SLC3A2: variants seen among roughly 807,000 people sequenced by gnomAD.
SLC3A2 encodes the protein amino acid transporter heavy chain SLC3A2.
SLC3A2 carries 32 observed loss-of-function variants against 48.5 expected under a neutral mutation model. The observed-to-expected ratio is 0.66, with a 90% confidence interval of 0.50 to 0.89. The LOEUF (loss-of-function observed/expected upper bound fraction) is 0.89, where lower values mean the gene tolerates loss of function less well. Among genes scored for constraint, SLC3A2 ranks in the 40% least tolerant of loss-of-function variants. The pLI, the probability that SLC3A2 is intolerant of heterozygous loss-of-function variation, is 0.00. For synonymous variants in SLC3A2, 277 were observed against 288.8 expected (o/e 0.96, Z 0.41); for missense variants, 587 against 680.7 (o/e 0.86, Z 1.53).
In SLC3A2 at chr11:62,881,578, C is replaced by T. The variant is rs1312025968; in HGVS notation, c.424+131C>T. ...CCCGTACCGACGACTGTTCCCCCTT[C>T]CCCCACCCCCTCCCCGGCACATTGT... On this transcript the variant is annotated intron_variant, in intron 1 of 8. Transcript: ENST00000338663. This position sits in a 1 kb window ranked among gnomAD's most constrained non-coding sequence, Gnocchi z 4.0. 471 of 1,217,084 alleles carry T rather than the reference C, an allele frequency of 3.9e-4. No homozygotes were observed. The highest frequency in any genetic ancestry group is 4.9e-4 in the Non-Finnish European group (439 of 901,688). 75.4% of individuals were successfully genotyped at this position (1,217,084 alleles called of 1,614,324 possible).
chr11:62,870,025 C>T (rs2085494689), intron 1 of SLC3A2, among the ~76,000 whole-genome samples: 1 of 151,822 alleles, frequency 6.6e-6, no homozygotes. Context: ...TCTCGAACTC[C>T]TGACCTTGTG....
intron 1 of SLC3A2, among the ~76,000 whole-genome samples, chr11:62,860,345 CA>C (rs1276874601): frequency 4.2e-5 from 6 of 143,538 alleles, no homozygotes; most frequent in South Asian, 2.2e-4. Context: ...ACTAAAAATA[CA>C]AAAAAAAAAT....
At chr11:62,867,315 T>C (rs2085463014) in intron 1 of SLC3A2, among the ~76,000 whole-genome samples, 1 of 124,494 alleles carries the variant, frequency 8.0e-6, no homozygotes, top group Non-Finnish European at 1.6e-5. Context: ...TCTTTCTCTT[T>C]TCTTTTCTTT....
intron 7 of SLC3A2, 117 bp from the exon 8 acceptor site, chr11:62,888,018 A>G: frequency 1.1e-6 from 1 of 873,992 alleles, no homozygotes; most frequent in Non-Finnish European, 1.8e-6. Flanking sequence ...CTGGTTTCAA[A>G]TGCCTGGGCT....
intron 7 of SLC3A2, 63 bp from the exon 8 acceptor site, chr11:62,888,072 C>G: frequency 6.9e-7 from 1 of 1,444,606 alleles, no homozygotes; most frequent in Middle Eastern, 2.4e-4. Context: ...GCTGGAATTA[C>G]AGATGTGAGC....
At chr11:62,875,284 C>T (rs552812827) in intron 1 of SLC3A2, among the ~76,000 whole-genome samples, 3 of 152,228 alleles carry the variant, frequency 2.0e-5, no homozygotes, top group East Asian at 1.9e-4. Flanking sequence ...CGGTGGCTCA[C>T]GCCTGTAATC....
At position 62,865,322 on chromosome 11, in the gene SLC3A2, G is replaced by T. The variant is rs553397575; in HGVS notation, c.112+8941G>T. On this transcript the variant is annotated intron_variant, in intron 1 of 9. Transcript: ENST00000377889. ...AATCCCAGCACTTTGGGAGGCTAAG[G>T]CAGTCAGATCACTTGAGGTCAGGAG... 3.3e-5 allele frequency among the ~76,000 whole-genome samples: 5 copies of T among 152,206 alleles called. No individual in the cohort carries two copies. The South Asian group carries it at 1.0e-3, about 32-fold the overall frequency.
chr11:62,872,254 T>G (rs574868777), intron 1 of SLC3A2, among the ~76,000 whole-genome samples: 1 of 152,282 alleles, frequency 6.6e-6, no homozygotes, highest in Non-Finnish European at 1.5e-5. Flanking sequence ...CTGAGTGCAG[T>G]GGCTCACGCC....
chr11:62,876,218 CA>C (rs1313693878), upstream of SLC3A2, among the ~76,000 whole-genome samples: 1 of 152,172 alleles, frequency 6.6e-6, no homozygotes, highest in African/African-American at 2.4e-5. Context: ...AGGCTAAGAT[CA>C]AGTAATAATC....
In SLC3A2 at chr11:62,882,362, TGG is replaced by T. The variant is rs34722625; in HGVS notation, c.598+305_598+306del. 4.0e-4 allele frequency: 117 copies of T among 294,836 alleles called. 2 individuals carry two copies. The highest frequency in any genetic ancestry group is 1.3e-3 in the South Asian group (31 of 23,890). The allele number at this position is 294,836 out of a possible 1,614,324, so 18.3% of individuals were successfully genotyped here. The stretch of plus-strand genomic sequence containing the variant: ...AAACTTGTAAAACAGTAGGTTTTTT[TGG>T]GGGGGGGGAATCCCAAATATTGTTT... On this transcript the variant is annotated intron_variant, in intron 2 of 8. Coordinates refer to ENST00000338663, the MANE Select transcript of SLC3A2 (RefSeq NM_001013251.3).
At chr11:62,863,585 G>A (rs1337669533) in intron 1 of SLC3A2, among the ~76,000 whole-genome samples, 7 of 152,242 alleles carry the variant, frequency 4.6e-5, no homozygotes, top group Non-Finnish European at 1.0e-4. Context: ...TACAACTGCA[G>A]TGGGTAACAT....
upstream of SLC3A2, among the ~76,000 whole-genome samples, chr11:62,878,488 C>T (rs916738883): frequency 4.0e-5 from 6 of 151,218 alleles, no homozygotes; most frequent in East Asian, 2.0e-4. Context: ...TTTTTTGAGA[C>T]GGAGTCTTGC....
upstream of SLC3A2, among the ~76,000 whole-genome samples, chr11:62,879,092 G>C (rs779676319): frequency 6.6e-6 from 1 of 151,412 alleles, no homozygotes; most frequent in Non-Finnish European, 1.5e-5. Flanking sequence ...TTTTGAGGCA[G>C]AGTCTTGCTC....
chr11:62,863,465 A>C (rs1227948430), intron 1 of SLC3A2, among the ~76,000 whole-genome samples: 1 of 152,112 alleles, frequency 6.6e-6, no homozygotes, highest in East Asian at 1.9e-4. Context: ...CAAGCGACCA[A>C]ATTGCTGGGA....
upstream of SLC3A2, chr11:62,876,869 T>C: frequency 9.4e-7 from 1 of 1,061,770 alleles, no homozygotes. Context: ...CCGGAAGTGC[T>C]GGGATTACAG....
At chr11:62,880,894 G>A (rs2085624407), upstream of SLC3A2, 4 of 1,438,040 alleles carry the variant, frequency 2.8e-6, no homozygotes, top group Non-Finnish European at 2.7e-6. Flanking sequence ...CTGCTGCTGA[G>A]CAGATGCAGT....
rs768058399 is a variant in SLC3A2 at position 62,871,581 on chromosome 11, G to A, written c.113-9438G>A. The A allele has an allele frequency of 4.2e-5, 27 of 648,960 alleles. No homozygotes were observed. In the Middle Eastern group the frequency reaches 2.7e-3, roughly 65 times the overall value. 40.2% of individuals were successfully genotyped at this position (648,960 alleles called of 1,614,324 possible). On this transcript the variant is annotated intron_variant, in intron 1 of 9. Coordinates refer to the SLC3A2 transcript ENST00000377889. The stretch of plus-strand genomic sequence containing the variant: ...TATTATTATTATTATTTGTAGAGAC[G>A]GGGTCTGACTGTGTTACCCAGGCTG...
intron 1 of SLC3A2, among the ~76,000 whole-genome samples, chr11:62,871,128 T>C (rs1315759435): frequency 2.6e-5 from 4 of 151,394 alleles, no homozygotes; most frequent in Non-Finnish European, 5.9e-5. Flanking sequence ...GTGATCCGCC[T>C]GCCTTGGCCT....
upstream of SLC3A2, chr11:62,880,823 A>G: frequency 3.4e-6 from 4 of 1,180,098 alleles, no homozygotes; most frequent in East Asian, 2.7e-5. Context: ...GCAGTCCCCG[A>G]GGTTCCACCT....
Sources: gnomAD v4.1 joint callset for allele counts (sites outside exome capture counted in the v4.1 genomes callset) on GRCh38, gnomAD v4.1.1 for gene constraint, Gnocchi (gnomAD v3.1) non-coding constraint, MANE v1.5 for transcripts, NCBI Gene and HGNC (gene_info 2026-07-23, HGNC 2026-07-21) for gene names.